OSTC: variants seen among roughly 807,000 people sequenced by gnomAD.
OSTC encodes oligosaccharyltransferase complex subunit OSTC.
Under a neutral mutation model 16.4 loss-of-function variants are expected in OSTC, and 16 were observed. The observed-to-expected ratio is 0.98, with a 90% CI of 0.66 to 1.49. The LOEUF (loss-of-function observed/expected upper bound fraction) is 1.49, where lower values mean the gene tolerates loss of function less well. Ranked by LOEUF, OSTC falls within the 40% of genes most tolerant of loss-of-function variation. OSTC has a pLI of 0.00. For synonymous variants in OSTC, 67 were observed against 68.5 expected (o/e 0.98, Z 0.11); for missense variants, 139 against 186.3 (o/e 0.75, Z 1.48).
chr4:108,663,761 G>C (rs1220262560), intron 3 of OSTC, among the ~76,000 whole-genome samples: 1 of 152,184 alleles, frequency 6.6e-6, no homozygotes, highest in African/African-American at 2.4e-5. Context: ...AGTGTTTTGA[G>C]AAGCTTCTAT....
intron 3 of OSTC, among the ~76,000 whole-genome samples, chr4:108,663,772 T>C (rs1327552284): frequency 2.0e-5 from 3 of 152,194 alleles, no homozygotes; most frequent in African/African-American, 7.2e-5. Context: ...AAGCTTCTAT[T>C]AGTGCTAACC....
chr4:108,654,112 T>C (rs997586821), intron 1 of OSTC, among the ~76,000 whole-genome samples: 4 of 152,184 alleles, frequency 2.6e-5, no homozygotes, highest in African/African-American at 7.2e-5. Flanking sequence ...GTAAACTGGA[T>C]TGAGTGCTTC....
At chr4:108,650,934 T>G in intron 1 of OSTC, 140 bp downstream of exon 1, 2 of 1,275,594 alleles carry the variant, frequency 1.6e-6, no homozygotes, top group Non-Finnish European at 2.1e-6. Context: ...AGGGGAGTTC[T>G]GGGGTCCGAA....
rs771306388 is a variant in OSTC at position 108,667,232 on chromosome 4, A to C, written c.432-15A>C. ...ATTCTTTTCACTTTTTGTGCTTATA[A>C]TTATATTTCTGCAGGGGCTATCTGA... On this transcript the variant is annotated splice_polypyrimidine_tract_variant and intron_variant, in intron 3 of 3. Coordinates refer to ENST00000361564, the MANE Select transcript of OSTC (RefSeq NM_021227.4). 1.2e-6 allele frequency: 2 copies of C among 1,602,898 alleles called. No homozygotes were observed.
intron 1 of OSTC, among the ~76,000 whole-genome samples, chr4:108,654,812 T>C (rs1726658201): frequency 1.3e-5 from 2 of 152,238 alleles, no homozygotes; most frequent in East Asian, 1.9e-4. Context: ...TATGAATCTC[T>C]AGTATTGCCA....
Position 108,666,438 on chromosome 4 carries a change from G to T in OSTC, c.432-809G>T, listed in dbSNP as rs182817944. Among the ~76,000 whole-genome samples, 400 of 152,146 alleles carry T rather than the reference G, an allele frequency of 2.6e-3. 1 individual carries two copies. Among genetic ancestry groups the T allele is most frequent in the Middle Eastern group, 0.014 (4 of 294 alleles). On this transcript the variant is annotated intron_variant, in intron 3 of 3. Transcript: ENST00000361564. ...ACTTTAAGAGGGAAGGGCCAGGCGC[G>T]GTGGCTCACACCTGTAATCCCAGCA...
At chr4:108,666,436 G>A (rs572531585) in intron 3 of OSTC, among the ~76,000 whole-genome samples, 23 of 152,152 alleles carry the variant, frequency 1.5e-4, no homozygotes, top group Admixed American at 4.6e-4. Context: ...AGGGCCAGGC[G>A]CGGTGGCTCA....
chr4:108,658,590 A>T (rs1418113830), intron 3 of OSTC, among the ~76,000 whole-genome samples: 1 of 152,216 alleles, frequency 6.6e-6, no homozygotes. Context: ...AAATACAATC[A>T]CATTTCCATA....
intron 2 of OSTC, among the ~76,000 whole-genome samples, chr4:108,656,814 C>T (rs1726716482): frequency 6.6e-6 from 1 of 152,000 alleles, no homozygotes; most frequent in African/African-American, 2.4e-5. Flanking sequence ...AAAAAGCTAA[C>T]CTAGACCGGG....
chr4:108,653,800 A>G (rs1726620580), intron 1 of OSTC, among the ~76,000 whole-genome samples: 1 of 152,202 alleles, frequency 6.6e-6, no homozygotes, highest in South Asian at 2.1e-4. Context: ...CCCATGAGAC[A>G]TTGAAGAGTA....
chr4:108,663,716 T>C (rs1462990339), intron 3 of OSTC, among the ~76,000 whole-genome samples: 1 of 152,234 alleles, frequency 6.6e-6, no homozygotes, highest in African/African-American at 2.4e-5. Context: ...CTTTTTAAGA[T>C]TGTTGCAAGG....
rs748181064 is a variant in OSTC at position 108,650,641 on chromosome 4, C to T, written c.-15C>T. The T allele has an allele frequency of 1.1e-5, 17 of 1,613,530 alleles. No individual in the cohort carries two copies. Among genetic ancestry groups the T allele is most frequent in the South Asian group, 1.1e-5 (1 of 91,072 alleles). The stretch of plus-strand genomic sequence containing the variant: ...GTGGGGCTTGAGGCCGAGAACGGCC[C>T]TTGCTGCCACCAACATGGAGACTTT... On this transcript the variant is annotated 5_prime_UTR_variant, in exon 1 of 4. Coordinates refer to ENST00000361564, the MANE Select transcript of OSTC (RefSeq NM_021227.4).
chr4:108,660,667 G>A (rs911926395), intron 3 of OSTC, among the ~76,000 whole-genome samples: 1 of 152,100 alleles, frequency 6.6e-6, no homozygotes, highest in African/African-American at 2.4e-5. Flanking sequence ...TATGTTTCTA[G>A]CATCTGAGAT....
At chr4:108,664,467 T>G (rs1014756178) in intron 3 of OSTC, among the ~76,000 whole-genome samples, 1 of 145,476 alleles carries the variant, frequency 6.9e-6, no homozygotes, top group Non-Finnish European at 1.5e-5. Context: ...TTCTTGAACC[T>G]TTTTTTTTTT....
At chr4:108,664,615 GA>G (rs1413369110) in intron 3 of OSTC, among the ~76,000 whole-genome samples, 1 of 151,310 alleles carries the variant, frequency 6.6e-6, no homozygotes, top group African/African-American at 2.4e-5. Flanking sequence ...TTTTGTGGGG[GA>G]CGGAGTCTGG....
intron 3 of OSTC, among the ~76,000 whole-genome samples, chr4:108,664,474 T>C (rs1409117886): frequency 6.6e-6 from 1 of 151,840 alleles, no homozygotes; most frequent in African/African-American, 2.4e-5. Context: ...ACCTTTTTTT[T>C]TTTTCTTGTG....
intron 1 of OSTC, among the ~76,000 whole-genome samples, chr4:108,654,941 G>T: frequency 6.6e-6 from 1 of 152,116 alleles, no homozygotes; most frequent in East Asian, 1.9e-4. Context: ...TTTGTGAACC[G>T]AAGTAGAGCC....
intron 3 of OSTC, among the ~76,000 whole-genome samples, chr4:108,657,913 G>GTTTTTT (rs1726752236): frequency 1.3e-5 from 1 of 79,022 alleles, no homozygotes; most frequent in African/African-American, 5.0e-5. Context: ...GATAGTCATT[G>GTTTTTT]TTTCTTTTTT....
chr4:108,666,189 C>T (rs1025743670), intron 3 of OSTC, among the ~76,000 whole-genome samples: 51 of 152,204 alleles, frequency 3.4e-4, no homozygotes, highest in African/African-American at 1.2e-3. Context: ...CAGAGGCTCA[C>T]CTCCCAGTCC....
Sources: gnomAD v4.1 joint callset for allele counts (sites outside exome capture counted in the v4.1 genomes callset) on GRCh38, gnomAD v4.1.1 for gene constraint, MANE v1.5 for transcripts, NCBI Gene and HGNC (gene_info 2026-07-23, HGNC 2026-07-21) for gene names.